SI: variants seen among roughly 807,000 people sequenced by gnomAD.
SI encodes sucrase-isomaltase.
SI carries 235 observed loss-of-function variants against 253.3 expected under a neutral mutation model. The observed-to-expected ratio is 0.93, with a 90% CI of 0.83 to 1.03. The LOEUF is 1.03. SI is among the 50% of genes least tolerant of loss of function. The pLI is 0.00. For missense variants in SI, 2,442 were observed against 2,211.1 expected (o/e 1.10, Z -2.09); for synonymous variants, 819 against 712.0 (o/e 1.15, Z -2.39).
intron 37 of SI, among the ~76,000 whole-genome samples, chr3:165,005,440 G>C (rs1253986053): frequency 6.6e-6 from 1 of 151,728 alleles, no homozygotes; most frequent in African/African-American, 2.4e-5. Context: ...TTGCATGCTT[G>C]GTATCTCACT....
intron 23 of SI, 87 bp from the exon 24 acceptor site, chr3:165,032,779 G>C (rs1009778048): frequency 9.5e-6 from 8 of 839,240 alleles, no homozygotes; most frequent in Non-Finnish European, 1.5e-5. Context: ...GCAAAAAAAG[G>C]TCATCATCTA....
chr3:165,000,736 T>C (rs1718221316), intron 37 of SI, among the ~76,000 whole-genome samples: 1 of 151,422 alleles, frequency 6.6e-6, no homozygotes, highest in South Asian at 2.1e-4. Context: ...TATATTCTAA[T>C]TATTTCCAAC....
chr3:164,992,667 T>C lies in SI; in HGVS notation c.4842-270A>G, dbSNP rs137962421. ...CATGTAACATCAACTAAATGAGAAATTACTTTGGAAGAGAACTAATAGAGG... is the reference window on the plus strand; with the variant it reads ...CATGTAACATCAACTAAATGAGAAACTACTTTGGAAGAGAACTAATAGAGG... On this transcript the variant is annotated intron_variant, in intron 41 of 47. Coordinates refer to ENST00000264382, the MANE Select transcript of SI (RefSeq NM_001041.4). Among the ~76,000 whole-genome samples the C allele has an allele frequency of 4.3e-3, 649 of 151,914 alleles. 3 individuals are homozygous for C. The highest frequency in any genetic ancestry group is 0.015 in the African/African-American group (630 of 41,508).
chr3:165,046,556 C>A (rs1203029373), intron 16 of SI, among the ~76,000 whole-genome samples: 1 of 151,532 alleles, frequency 6.6e-6, no homozygotes, highest in African/African-American at 2.4e-5. Context: ...TTATTTTTTT[C>A]TTTACATCTT....
At chr3:165,001,051 A>T (rs1300547578) in intron 37 of SI, among the ~76,000 whole-genome samples, 1 of 151,406 alleles carries the variant, frequency 6.6e-6, no homozygotes, top group Non-Finnish European at 1.5e-5. Flanking sequence ...AAATTTAAAA[A>T]TTTAAAACAT....
chr3:165,005,254 T>C (rs1327033528), intron 37 of SI, among the ~76,000 whole-genome samples: 1 of 151,098 alleles, frequency 6.6e-6, no homozygotes, highest in Non-Finnish European at 1.5e-5. Flanking sequence ...GCTATATATA[T>C]AGTTAGAAAG....
intron 9 of SI, among the ~76,000 whole-genome samples, chr3:165,060,890 A>G (rs1169621378): frequency 2.0e-5 from 3 of 147,876 alleles, no homozygotes; most frequent in Non-Finnish European, 4.5e-5. Flanking sequence ...TATAGGATCC[A>G]TGATTTCTCC....
intron 8 of SI, 74 bp from the exon 9 acceptor site, chr3:165,062,557 A>C: frequency 3.9e-6 from 3 of 766,724 alleles, no homozygotes; most frequent in East Asian, 5.3e-5. Context: ...AAGTCCATTT[A>C]AATTAATTTG....
At position 165,009,379 on chromosome 3, in the gene SI, A is replaced by G. The variant is rs375019489; in HGVS notation, c.4079T>C (p.Val1360Ala). The change falls in exon 35 of 48, where the codon GTA (valine) becomes GCA (alanine). Residue 1360 changes from valine to alanine, a missense_variant. Coordinates refer to ENST00000264382, the MANE Select transcript of SI (RefSeq NM_001041.4). ...AGTCCTGAAGAAATCTGGGAAAGCT[A>G]CATGAGCTCTGGAAGCCTGTAAAAC... ...DEAVNASRAH[V>A]AFPDFFRTST... The G allele has an allele frequency of 6.2e-7, 1 of 1,613,140 alleles. No individual in the cohort carries two copies. Among genetic ancestry groups the G allele is most frequent in the Non-Finnish European group, 8.5e-7 (1 of 1,179,198 alleles).
At chr3:165,083,343 G>T (rs1310599057), upstream of SI, among the ~76,000 whole-genome samples, 1 of 151,588 alleles carries the variant, frequency 6.6e-6, no homozygotes, top group Non-Finnish European at 1.5e-5. Flanking sequence ...TTTAAAAAAA[G>T]AAACAGCTTT....
At chr3:165,043,334 C>G (rs13073170) in intron 16 of SI, among the ~76,000 whole-genome samples, 159 bp from the exon 17 acceptor site, 86,793 of 151,112 alleles carry the variant, frequency 0.57, 25,310 homozygotes, top group East Asian at 0.81. Flanking sequence ...CATTTTTGCT[C>G]TATCCTTGTC....
At chr3:165,013,419 CA>C (rs964972725) in intron 33 of SI, among the ~76,000 whole-genome samples, 1 of 151,946 alleles carries the variant, frequency 6.6e-6, no homozygotes, top group Non-Finnish European at 1.5e-5. Flanking sequence ...AAACTAAAAA[CA>C]ATAAATCTTT....
intron 45 of SI, among the ~76,000 whole-genome samples, chr3:164,985,487 C>G (rs1717392155): frequency 6.6e-6 from 1 of 152,108 alleles, no homozygotes; most frequent in Non-Finnish European, 1.5e-5. Context: ...TCCCAAAAGT[C>G]TTGCTGTCTA....
chr3:164,999,145 G>A (rs187008811), intron 37 of SI, among the ~76,000 whole-genome samples: 1 of 151,710 alleles, frequency 6.6e-6, no homozygotes, highest in Admixed American at 6.6e-5. Flanking sequence ...AATTTGAAGA[G>A]AGCAAAGTAT....
chr3:165,037,764 A>G (rs1712602007), intron 21 of SI, 136 bp downstream of exon 21: 1 of 598,782 alleles, frequency 1.7e-6, no homozygotes, highest in African/African-American at 1.8e-5. Context: ...TATGATGGTT[A>G]TAGTTCAGTA....
chr3:165,057,227 G>T (rs1713740717), intron 12 of SI, among the ~76,000 whole-genome samples: 1 of 151,714 alleles, frequency 6.6e-6, no homozygotes, highest in Admixed American at 6.6e-5. Flanking sequence ...TTTAATAGTA[G>T]AATTGATCAA....
chr3:165,003,103 G>C (rs1282630583), intron 37 of SI, among the ~76,000 whole-genome samples: 1 of 151,748 alleles, frequency 6.6e-6, no homozygotes, highest in East Asian at 1.9e-4. Flanking sequence ...AAACAACTTT[G>C]ATACCTGTGA....
chr3:165,051,514 G>T (rs1200842681), intron 13 of SI, among the ~76,000 whole-genome samples: 1 of 152,004 alleles, frequency 6.6e-6, no homozygotes, highest in African/African-American at 2.4e-5. Context: ...GTATACCATA[G>T]TTACACAGCA....
At chr3:165,026,204 C>T (rs1817263) in intron 25 of SI, among the ~76,000 whole-genome samples, 42,245 of 151,120 alleles carry the variant, frequency 0.28, 7,511 homozygotes, top group East Asian at 0.72. Flanking sequence ...ACAAAACAAA[C>T]TTTAAAGCAA....
Sources: allele counts gnomAD v4.1 joint callset (sites outside exome capture counted in the v4.1 genomes callset), GRCh38; gene constraint gnomAD v4.1.1; transcripts MANE v1.5; gene names NCBI Gene and HGNC (gene_info 2026-07-23, HGNC 2026-07-21).